The following SHTN1 variants were observed in gnomAD, a reference collection of about 807,000 sequenced individuals.
SHTN1 encodes the protein shootin 1.
A neutral mutation model predicts 83.1 loss-of-function variants in SHTN1; 42 were observed. The ratio of observed to expected loss-of-function variants is 0.51; its 90% CI spans 0.39 to 0.65. The LOEUF (loss-of-function observed/expected upper bound fraction) is 0.65. Among genes scored for constraint, SHTN1 ranks in the 30% least tolerant of loss-of-function variants. The pLI is 0.00. For missense variants in SHTN1, 622 were observed against 737.8 expected, an observed-to-expected ratio of 0.84 and a Z score of 1.82; for synonymous variants, 224 against 247.7, an observed-to-expected ratio of 0.90 and a Z score of 0.90.
At chr10:116,956,890 G>C (rs1418946450) in intron 4 of SHTN1, among the ~76,000 whole-genome samples, 3 of 152,088 alleles carry the variant, frequency 2.0e-5, no homozygotes, top group Admixed American at 2.0e-4. Context: ...AAGAAGAAAT[G>C]TAAGATTTAT....
chr10:116,882,726 A>G lies in SHTN1; in HGVS notation c.*3618T>C, dbSNP rs1001082043. The G allele has an allele frequency of 2.6e-5, 4 of 152,180 alleles. No homozygotes were observed. Among genetic ancestry groups the G allele is most frequent in the Non-Finnish European group, 5.9e-5 (4 of 68,036 alleles). 9.4% of individuals were successfully genotyped at this position (152,180 alleles called of 1,614,324 possible). On this transcript the variant is annotated 3_prime_UTR_variant, in exon 17 of 17. Coordinates refer to ENST00000355371, the MANE Select transcript of SHTN1 (RefSeq NM_001127211.3). The stretch of plus-strand genomic sequence containing the variant: ...ACTAACAAGGGACCTTAATTTCCTC[A>G]TAACAGAGCCAACTCTTTATTCTCA...
At chr10:117,071,817 A>T (rs1174715557) in intron 1 of SHTN1, among the ~76,000 whole-genome samples, 1 of 152,206 alleles carries the variant, frequency 6.6e-6, no homozygotes, top group Non-Finnish European at 1.5e-5. Context: ...GGCGGGCAGG[A>T]GACCTAGAAT....
rs750351561 is a variant in SHTN1, at chr10:116,977,662, C to CTGTGTGTGTGTGTGTGTG, written c.111+1576_111+1593dup. On this transcript the variant is annotated intron_variant, in intron 2 of 16. Transcript: ENST00000355371. ...TACTATTTTCAGTGACTTTCTTACT[C>CTGTGTGTGTGTGTGTGTG]TGTGTGTGTGTGTGTGTGTGTGTGT... 2.7e-3 allele frequency among the ~76,000 whole-genome samples: 395 copies of CTGTGTGTGTGTGTGTGTG among 147,868 alleles called. 3 individuals are homozygous for CTGTGTGTGTGTGTGTGTG. Among genetic ancestry groups the CTGTGTGTGTGTGTGTGTG allele is most frequent in the African/African-American group, 9.3e-3 (375 of 40,310 alleles).
intron 1 of SHTN1, among the ~76,000 whole-genome samples, chr10:116,998,427 G>C (rs1313079178): frequency 6.6e-6 from 1 of 152,190 alleles, no homozygotes; most frequent in Admixed American, 6.5e-5. Context: ...TTTTGAGAGA[G>C]AGAGAGAGAG....
intron 16 of SHTN1, among the ~76,000 whole-genome samples, chr10:116,894,050 T>C (rs1847431412): frequency 6.6e-6 from 1 of 152,190 alleles, no homozygotes; most frequent in African/African-American, 2.4e-5. Context: ...TAAAAATCAA[T>C]CTTACTTTTA....
intron 1 of SHTN1, among the ~76,000 whole-genome samples, chr10:117,061,409 G>C (rs1377041958): frequency 6.6e-6 from 1 of 152,062 alleles, no homozygotes; most frequent in African/African-American, 2.4e-5. Context: ...TGTTGCCCAA[G>C]CTGGTCTCAA....
chr10:116,983,553 G>A (rs1416119066), intron 1 of SHTN1, among the ~76,000 whole-genome samples: 1 of 151,906 alleles, frequency 6.6e-6, no homozygotes, highest in Non-Finnish European at 1.5e-5. Flanking sequence ...TCACCTGCGG[G>A]GCTTTTAAAT....
At chr10:117,018,694 C>T (rs1464142566) in intron 2 of SHTN1, among the ~76,000 whole-genome samples, 1 of 151,656 alleles carries the variant, frequency 6.6e-6, no homozygotes, top group Non-Finnish European at 1.5e-5. Context: ...GCCTCAGCCT[C>T]CTGAGTAGTT....
At chr10:117,086,331 T>C (rs1269574899) in intron 1 of SHTN1, among the ~76,000 whole-genome samples, 3 of 152,212 alleles carry the variant, frequency 2.0e-5, no homozygotes, top group African/African-American at 7.2e-5. Context: ...ATTTGTGACT[T>C]TATAAAGTGG....
At chr10:117,051,835 T>G (rs2133588765) in intron 1 of SHTN1, among the ~76,000 whole-genome samples, 1 of 151,634 alleles carries the variant, frequency 6.6e-6, no homozygotes, top group South Asian at 2.1e-4. Context: ...TATTGAAAGA[T>G]TTCCCACTGT....
At chr10:116,905,644 T>C (rs1440189051) in intron 15 of SHTN1, among the ~76,000 whole-genome samples, 1 of 152,188 alleles carries the variant, frequency 6.6e-6, no homozygotes, top group Non-Finnish European at 1.5e-5. Flanking sequence ...ATCTTTAATA[T>C]TCTTGCTACT....
chr10:116,964,411 T>A (rs1850316483), intron 3 of SHTN1, among the ~76,000 whole-genome samples: 1 of 152,186 alleles, frequency 6.6e-6, no homozygotes, highest in Non-Finnish European at 1.5e-5. Flanking sequence ...TCTAGGTGAC[T>A]CTACTTTTCT....
intron 1 of SHTN1, 26 bp downstream of exon 1, chr10:117,004,996 A>G: frequency 6.3e-7 from 1 of 1,577,940 alleles, no homozygotes; most frequent in African/African-American, 1.3e-5. Context: ...GCGGCTGCCC[A>G]CACCTGGCGC....
intron 1 of SHTN1, among the ~76,000 whole-genome samples, chr10:116,995,034 T>C (rs575966256): frequency 6.6e-6 from 1 of 152,278 alleles, no homozygotes; most frequent in East Asian, 1.9e-4. Flanking sequence ...ATTCTGATTA[T>C]GTTAAATTGT....
At chr10:116,960,085 G>A (rs1273534504) in intron 4 of SHTN1, 51 bp downstream of exon 4, 1 of 1,113,112 alleles carries the variant, frequency 9.0e-7, no homozygotes, top group Non-Finnish European at 1.4e-6. Context: ...GCTTAGAAAA[G>A]CAAGTTGAAA....
chr10:117,102,634 T>C (rs1264909376), intron 1 of SHTN1, among the ~76,000 whole-genome samples: 1 of 151,952 alleles, frequency 6.6e-6, no homozygotes, highest in African/African-American at 2.4e-5. Context: ...ATTTTGGCAA[T>C]TTTCCTTTTT....
intron 1 of SHTN1, among the ~76,000 whole-genome samples, chr10:117,103,761 C>T (rs1853635024): frequency 6.6e-6 from 1 of 152,046 alleles, no homozygotes; most frequent in South Asian, 2.1e-4. Context: ...TGGTCTCGAT[C>T]TCCTGACCTC....
chr10:117,008,895 CCG>C (rs1417103178), upstream of SHTN1, among the ~76,000 whole-genome samples: 1 of 152,144 alleles, frequency 6.6e-6, no homozygotes, highest in Non-Finnish European at 1.5e-5. Context: ...GGGTGGATCA[CCG>C]GAGGTCAGGA....
chr10:116,905,611 G>A (rs1847938046), intron 15 of SHTN1, among the ~76,000 whole-genome samples: 1 of 152,160 alleles, frequency 6.6e-6, no homozygotes, highest in Non-Finnish European at 1.5e-5. Flanking sequence ...CTCTGAACAT[G>A]AGAACTTGAT....
Sources: allele counts gnomAD v4.1 joint callset (sites outside exome capture counted in the v4.1 genomes callset), GRCh38; gene constraint gnomAD v4.1.1; transcripts MANE v1.5; gene names NCBI Gene and HGNC (gene_info 2026-07-23, HGNC 2026-07-21).